Variants in LIN7A observed in about 807,000 individuals in gnomAD.
LIN7A encodes the protein protein lin-7 homolog A.
A neutral mutation model predicts 29.8 loss-of-function variants in LIN7A; 25 were observed. The ratio of observed to expected loss-of-function variants is 0.84; its 90% CI spans 0.61 to 1.17. LIN7A has a LOEUF of 1.17. LIN7A is among the 50% of genes most tolerant of loss of function. The pLI is 0.00. For missense variants in LIN7A, 239 were observed against 287.0 expected, an observed-to-expected ratio of 0.83 and a Z score of 1.21; for synonymous variants, 118 against 107.5, an observed-to-expected ratio of 1.10 and a Z score of -0.60.
intron 2 of LIN7A, among the ~76,000 whole-genome samples, chr12:80,881,329 T>C (rs1269124326): frequency 6.6e-6 from 1 of 152,198 alleles, no homozygotes; most frequent in African/African-American, 2.4e-5. Flanking sequence ...AGCCATCAGC[T>C]TTCTTTTCTC....
chr12:80,840,679 T>C (rs989720721), intron 4 of LIN7A, among the ~76,000 whole-genome samples: 2 of 152,178 alleles, frequency 1.3e-5, no homozygotes. Context: ...ACACAGAGCA[T>C]AGGTAGAGCC....
intron 5 of LIN7A, among the ~76,000 whole-genome samples, chr12:80,807,269 A>G (rs2121511246): frequency 6.6e-6 from 1 of 151,930 alleles, no homozygotes; most frequent in East Asian, 1.9e-4. Context: ...ACGGGGTTTC[A>G]CCGAATTAGC....
rs532034691 is a variant in LIN7A, at chr12:80,916,118, C to A, written c.82+21523G>T. ...TTGTCATTATCTTTTCTGCTACTAGCCTGATCCCAACCACCACCATCTCTG... is the reference window on the plus strand; with the variant it reads ...TTGTCATTATCTTTTCTGCTACTAGACTGATCCCAACCACCACCATCTCTG... On this transcript the variant is annotated intron_variant, in intron 1 of 5. Coordinates refer to ENST00000552864, the MANE Select transcript of LIN7A (RefSeq NM_004664.4). 5.9e-5 allele frequency among the ~76,000 whole-genome samples: 9 copies of A among 152,286 alleles called. No individual in the cohort carries two copies. In the East Asian group the frequency reaches 1.7e-3, roughly 29 times the overall value.
At chr12:80,936,159 G>A (rs1412736070) in intron 1 of LIN7A, among the ~76,000 whole-genome samples, 1 of 152,196 alleles carries the variant, frequency 6.6e-6, no homozygotes, top group East Asian at 1.9e-4. Context: ...CCTGCTTAGT[G>A]CAGATGATGA....
intron 5 of LIN7A, 42 bp downstream of exon 5, chr12:80,811,417 GTGTATA>G: frequency 1.5e-6 from 1 of 656,582 alleles, no homozygotes; most frequent in Non-Finnish European, 2.7e-6. Context: ...ATATGTGTGT[GTGTATA>G]TATATATATA....
intron 2 of LIN7A, among the ~76,000 whole-genome samples, chr12:80,863,269 T>C (rs1211395288): frequency 1.3e-5 from 2 of 152,262 alleles, no homozygotes; most frequent in Non-Finnish European, 2.9e-5. Context: ...AATAATGATT[T>C]AGTTCTCTGC....
intron 2 of LIN7A, among the ~76,000 whole-genome samples, chr12:80,887,930 TG>T (rs1875417096): frequency 6.6e-6 from 1 of 152,174 alleles, no homozygotes; most frequent in Non-Finnish European, 1.5e-5. Flanking sequence ...TGGCACTCTG[TG>T]AAGGAAGAAA....
In LIN7A at chr12:80,794,075, A is replaced by G. The variant is rs1225935149; in HGVS notation, c.*3652T>C. On this transcript the variant is annotated 3_prime_UTR_variant, in exon 6 of 6. Transcript: ENST00000552864. ...TCTAAAAAGTTTTTATATAGACTCA[A>G]AATATGGTTCTAACCATGAAACTTA... 6.6e-6 allele frequency: 1 copy of G among 152,198 alleles called. No homozygotes were observed. Among genetic ancestry groups the G allele is most frequent in the South Asian group, 2.1e-4 (1 of 4,834 alleles). The allele number at this position is 152,198 out of a possible 1,614,324, so 9.4% of individuals were successfully genotyped here. A position where few individuals can be genotyped will look rare whatever the true frequency, so the allele number is the denominator to read the frequency against.
At chr12:80,802,786 G>A (rs1870784421) in intron 5 of LIN7A, among the ~76,000 whole-genome samples, 1 of 151,690 alleles carries the variant, frequency 6.6e-6, no homozygotes, top group Non-Finnish European at 1.5e-5. Flanking sequence ...GACTACAGGT[G>A]CTTGCTACCA....
At chr12:80,873,274 A>G (rs1231508559) in intron 2 of LIN7A, among the ~76,000 whole-genome samples, 1 of 152,220 alleles carries the variant, frequency 6.6e-6, no homozygotes, top group East Asian at 1.9e-4. Flanking sequence ...TCACACCTGT[A>G]ATCCCAGTAC....
chr12:80,826,382 C>A (rs1248906402), intron 4 of LIN7A, among the ~76,000 whole-genome samples: 1 of 152,200 alleles, frequency 6.6e-6, no homozygotes, highest in African/African-American at 2.4e-5. Flanking sequence ...AATCTACATC[C>A]AATTAACCAC....
At chr12:80,863,798 T>G (rs940181955) in intron 2 of LIN7A, among the ~76,000 whole-genome samples, 1 of 152,198 alleles carries the variant, frequency 6.6e-6, no homozygotes, top group African/African-American at 2.4e-5. Flanking sequence ...TCTGGTGGTA[T>G]GGGTTATGAT....
chr12:80,901,208 G>T (rs1369697239), intron 1 of LIN7A, among the ~76,000 whole-genome samples: 4 of 152,070 alleles, frequency 2.6e-5, no homozygotes, highest in Non-Finnish European at 5.9e-5. Context: ...ACAGTGCACT[G>T]CTGGCTTCCC....
rs28576082 is a variant in LIN7A, at chr12:80,885,186, A to G, written c.201+4065T>C. Among the ~76,000 whole-genome samples the G allele has an allele frequency of 7.0e-3, 1,072 of 152,228 alleles. 20 individuals carry two copies. Among genetic ancestry groups the G allele is most frequent in the East Asian group, 0.065 (337 of 5,176 alleles). On this transcript the variant is annotated intron_variant, in intron 2 of 5. Transcript: ENST00000552864. ...TGACAATTGAGCTATTTGCACTGCA[A>G]TTCAGTTGTCTTCGGGAATTCTCTT...
intron 4 of LIN7A, among the ~76,000 whole-genome samples, chr12:80,815,124 T>C (rs1461265664): frequency 2.0e-5 from 3 of 152,172 alleles, no homozygotes; most frequent in African/African-American, 7.2e-5. Context: ...TTTTGTGGCC[T>C]TTTTTTCCCC....
In LIN7A at chr12:80,795,052, A is replaced by C. The variant is rs770197706; in HGVS notation, c.*2675T>G. ...TTTTAAATTATAACGTTTAATACCT[A>C]ATTTGTTTATTACATTGAATTGAGC... is the stretch of plus-strand genomic sequence containing the variant. On this transcript the variant is annotated 3_prime_UTR_variant, in exon 6 of 6. Transcript: ENST00000552864. The C allele has an allele frequency of 6.6e-6, 1 of 152,122 alleles. No homozygotes were observed. Among genetic ancestry groups the C allele is most frequent in the African/African-American group, 2.4e-5 (1 of 41,442 alleles). The allele number at this position is 152,122 out of a possible 1,614,324, so 9.4% of individuals were successfully genotyped here. A position where few individuals can be genotyped will look rare whatever the true frequency, so the allele number is the denominator to read the frequency against.
At chr12:80,824,872 T>C (rs1871983122) in intron 4 of LIN7A, among the ~76,000 whole-genome samples, 1 of 152,188 alleles carries the variant, frequency 6.6e-6, no homozygotes, top group Non-Finnish European at 1.5e-5. Context: ...CTTAAGGTAA[T>C]AAAAACCATT....
chr12:80,900,193 T>C lies in LIN7A; in HGVS notation c.83-10824A>G, dbSNP rs560963953. On this transcript the variant is annotated intron_variant, in intron 1 of 5. Transcript: ENST00000552864. ...TGGTCTAGGTAGCACGCTTTCTATC[T>C]TATTCTTTCAAAAAACAAGCTCCTG... 2.8e-4 allele frequency among the ~76,000 whole-genome samples: 43 copies of C among 152,268 alleles called. No homozygotes were observed. The South Asian group carries it at 3.5e-3, about 12-fold the overall frequency.
intron 2 of LIN7A, among the ~76,000 whole-genome samples, chr12:80,856,710 T>C (rs1197567895): frequency 1.3e-5 from 2 of 152,184 alleles, no homozygotes; most frequent in African/African-American, 4.8e-5. Flanking sequence ...TTAACACTCA[T>C]TAATATATCA....
Sources: allele counts gnomAD v4.1 joint callset (sites outside exome capture counted in the v4.1 genomes callset), GRCh38; gene constraint gnomAD v4.1.1; transcripts MANE v1.5; gene names NCBI Gene and HGNC (gene_info 2026-07-23, HGNC 2026-07-21).